GCG: variants seen among roughly 807,000 people sequenced by gnomAD.
GCG encodes glucagon.
GCG carries 11 observed loss-of-function variants against 22.8 expected under a neutral mutation model. The ratio of observed to expected loss-of-function variants is 0.48; its 90% CI spans 0.30 to 0.80. GCG has a LOEUF of 0.80. Ranked by LOEUF, GCG falls within the 30% of genes least tolerant of loss-of-function variation. The probability of loss-of-function intolerance (pLI) is 0.06; values close to 1 mark genes in which losing one functional copy is unlikely to be tolerated. For missense variants in GCG, 222 were observed against 222.0 expected (o/e 1.00, Z 0.00); for synonymous variants, 89 against 72.4 (o/e 1.23, Z -1.16).
chr2:162,145,883 G>A (rs1686671355), intron 3 of GCG, among the ~76,000 whole-genome samples: 1 of 152,016 alleles, frequency 6.6e-6, no homozygotes, highest in Non-Finnish European at 1.5e-5. Flanking sequence ...ACAATCGGTG[G>A]GCTAAAGCTC....
intron 4 of GCG, 128 bp from the exon 5 acceptor site, chr2:162,144,298 G>C: frequency 1.3e-6 from 1 of 746,624 alleles, no homozygotes; most frequent in Non-Finnish European, 2.3e-6. Context: ...TTTAAAGGGT[G>C]TACTGTGAAA....
intron 2 of GCG, 197 bp from the exon 3 acceptor site, chr2:162,147,711 T>TATTCTGA (rs1201168959): frequency 6.7e-5 from 43 of 642,966 alleles, no homozygotes; most frequent in Non-Finnish European, 1.0e-4. Flanking sequence ...CATACGCTAT[T>TATTCTGA]ATTCTGAATT....
chr2:162,150,803 A>G (rs1686815068), intron 1 of GCG, among the ~76,000 whole-genome samples: 1 of 152,146 alleles, frequency 6.6e-6, no homozygotes, highest in South Asian at 2.1e-4. Context: ...GCGTTTTGCA[A>G]TATCTCCTAT....
At chr2:162,144,223 A>T in intron 4 of GCG, 53 bp from the exon 5 acceptor site, 1 of 1,373,956 alleles carries the variant, frequency 7.3e-7, no homozygotes. Context: ...TCAATAAATG[A>T]TCACAGATTG....
intron 3 of GCG, among the ~76,000 whole-genome samples, 166 bp downstream of exon 3, chr2:162,147,187 C>T (rs747412794): frequency 1.1e-4 from 17 of 152,028 alleles, no homozygotes; most frequent in Non-Finnish European, 2.2e-4. Context: ...TTAAGACATT[C>T]GGGGGCATAA....
rs751801732 is a variant in GCG, at chr2:162,145,610, T to G, written c.322A>C (p.Ser108Arg). The G allele has an allele frequency of 6.2e-7, 1 of 1,611,832 alleles. No homozygotes were observed. The highest frequency in any genetic ancestry group is 1.7e-5 in the Admixed American group (1 of 59,838). Reference sequence around the variant, plus strand: ...GCAGCTTGGCCTTCCAAATAAGAACTTACATCACTGGTAAAGGTCCCTTCA... The same window carrying G: ...GCAGCTTGGCCTTCCAAATAAGAACGTACATCACTGGTAAAGGTCCCTTCA... ...HAEGTFTSDV[S>R]SYLEGQAAKE... Residue 108 changes from serine (S) to arginine (R), a missense_variant, in exon 4 of 6, where the codon AGT becomes CGT. By Grantham distance (110) the Ser-to-Arg change is moderately radical (BLOSUM62 -1). Transcript: ENST00000418842.
At chr2:162,149,399 A>G (rs1686778620) in intron 1 of GCG, among the ~76,000 whole-genome samples, 1 of 152,170 alleles carries the variant, frequency 6.6e-6, no homozygotes, top group Non-Finnish European at 1.5e-5. Context: ...AAAGGACACA[A>G]AAGATGTGTT....
intron 4 of GCG, chr2:162,145,289 A>T (rs1686653164): frequency 6.0e-6 from 2 of 333,782 alleles, no homozygotes; most frequent in East Asian, 9.7e-5. Context: ...GTTTGGCCAA[A>T]GATTTAATAC....
chr2:162,150,956 G>A (rs1176007864), intron 1 of GCG, among the ~76,000 whole-genome samples: 5 of 151,672 alleles, frequency 3.3e-5, no homozygotes, highest in Non-Finnish European at 5.9e-5. Flanking sequence ...TTCTTCTGAA[G>A]AAAGAACTGG....
chr2:162,146,269 A>T (rs889232500), intron 3 of GCG, among the ~76,000 whole-genome samples: 49 of 152,088 alleles, frequency 3.2e-4, no homozygotes, highest in African/African-American at 1.2e-3. Flanking sequence ...ACCCCATATC[A>T]CCTCATTTTA....
chr2:162,143,510 G>T, intron 5 of GCG, 140 bp from the exon 6 acceptor site: 1 of 460,728 alleles, frequency 2.2e-6, no homozygotes, highest in East Asian at 3.3e-5. Context: ...CCATCCTTTG[G>T]ACTCTTAAAA....
At chr2:162,152,054 A>G (rs544321278) in intron 1 of GCG, 104 bp downstream of exon 1, 1 of 152,538 alleles carries the variant, frequency 6.6e-6, no homozygotes, top group African/African-American at 2.4e-5. Flanking sequence ...TATTAGTAAT[A>G]AAGTCTAAGA....
chr2:162,145,453 T>C, intron 4 of GCG, 87 bp downstream of exon 4: 1 of 1,079,548 alleles, frequency 9.3e-7, no homozygotes, highest in Non-Finnish European at 1.3e-6. Flanking sequence ...TAATTGCTTC[T>C]GTAATCCAGA....
In GCG at chr2:162,149,251, C is replaced by G. The variant is rs1256712205; in HGVS notation, c.-9-64G>C. 3 of 865,180 alleles carry G rather than the reference C, an allele frequency of 3.5e-6. No homozygotes were observed. In the East Asian group the frequency reaches 7.3e-5, roughly 21 times the overall value. 53.6% of individuals were successfully genotyped at this position (865,180 alleles called of 1,614,324 possible). A position where few individuals can be genotyped will look rare whatever the true frequency, so the allele number is the denominator to read the frequency against. On this transcript the variant is annotated intron_variant, in intron 1 of 5. Transcript: ENST00000418842. Reference sequence around the variant, plus strand: ...GGCAAGGATTTTTAAACATGTCAGGCTAAATTAATTAGATTTGACTAGATA... The same window carrying G: ...GGCAAGGATTTTTAAACATGTCAGGGTAAATTAATTAGATTTGACTAGATA...
At position 162,146,835 on chromosome 2, in the gene GCG, T is replaced by C. The variant is rs1686700891; in HGVS notation, c.254+518A>G. Reference sequence around the variant, plus strand: ...ATGTATGCCTTACGATAGGCTTGTGTTCTTATTTGCTGCCTTCTCTCTCTA... The same window carrying C: ...ATGTATGCCTTACGATAGGCTTGTGCTCTTATTTGCTGCCTTCTCTCTCTA... On this transcript the variant is annotated intron_variant, in intron 3 of 5. Transcript: ENST00000418842. Among the ~76,000 whole-genome samples, 3 of 152,080 alleles carry C rather than the reference T, an allele frequency of 2.0e-5. No homozygotes were observed. In the South Asian group the frequency reaches 6.2e-4, roughly 32 times the overall value.
chr2:162,143,891 T>G (rs1248695553), intron 5 of GCG, 136 bp downstream of exon 5: 1 of 724,072 alleles, frequency 1.4e-6, no homozygotes, highest in African/African-American at 1.8e-5. Flanking sequence ...CTTATATGAC[T>G]TAAACATGCA....
At chr2:162,147,981 G>A (rs970458653) in intron 2 of GCG, among the ~76,000 whole-genome samples, 2 of 152,036 alleles carry the variant, frequency 1.3e-5, no homozygotes, top group African/African-American at 4.8e-5. Context: ...AAGACAACTA[G>A]AAGTTCAAAG....
intron 1 of GCG, among the ~76,000 whole-genome samples, chr2:162,151,244 C>A (rs765106885): frequency 2.0e-5 from 3 of 152,012 alleles, no homozygotes; most frequent in Non-Finnish European, 4.4e-5. Context: ...GAAAGATTAA[C>A]CTTAGACCTA....
At chr2:162,147,329 T>G in intron 3 of GCG, 24 bp downstream of exon 3, 1 of 1,586,208 alleles carries the variant, frequency 6.3e-7, no homozygotes, top group Non-Finnish European at 8.6e-7. Flanking sequence ...ATAAGCAAGT[T>G]TTGAGCCAGG....
Sources: gnomAD v4.1 joint callset for allele counts (sites outside exome capture counted in the v4.1 genomes callset) on GRCh38, gnomAD v4.1.1 for gene constraint, MANE v1.5 for transcripts, NCBI Gene and HGNC (gene_info 2026-07-23, HGNC 2026-07-21) for gene names.